Variants in ELAPOR2 observed in about 807,000 individuals in gnomAD.
The protein encoded by ELAPOR2 is endosome/lysosome-associated apoptosis and autophagy regulator family member 2.
ELAPOR2 carries 89 observed loss-of-function variants against 120.7 expected under a neutral mutation model. The observed-to-expected ratio is 0.74, with a 90% CI of 0.62 to 0.88. The LOEUF is 0.88. ELAPOR2 is among the 40% of genes least tolerant of loss of function. The pLI, the probability that ELAPOR2 is intolerant of heterozygous loss-of-function variation, is 0.00. For missense variants in ELAPOR2, 1,134 were observed against 1,251.6 expected, an observed-to-expected ratio of 0.91 and a Z score of 1.42; for synonymous variants, 444 against 444.9, an observed-to-expected ratio of 1.00 and a Z score of 0.03.
At chr7:86,888,441 ACCTT>A (rs1799796105) in intron 21 of ELAPOR2, among the ~76,000 whole-genome samples, 2 of 152,222 alleles carry the variant, frequency 1.3e-5, no homozygotes, top group South Asian at 4.2e-4. Flanking sequence ...TCACCCTGTC[ACCTT>A]CCTATGAAGA....
intron 8 of ELAPOR2, 85 bp from the exon 9 acceptor site, chr7:86,927,001 T>A: frequency 7.8e-7 from 1 of 1,280,154 alleles, no homozygotes; most frequent in Non-Finnish European, 1.0e-6. Flanking sequence ...ATAGGAAAAG[T>A]ACAAATGGTG....
intron 19 of ELAPOR2, among the ~76,000 whole-genome samples, chr7:86,896,064 T>C (rs1015649266): frequency 6.6e-6 from 1 of 152,132 alleles, no homozygotes; most frequent in Admixed American, 6.6e-5. Context: ...CTGTGTGCTC[T>C]GAACTGAAAT....
chr7:87,017,061 A>T (rs993566090), intron 1 of ELAPOR2, among the ~76,000 whole-genome samples: 7 of 152,196 alleles, frequency 4.6e-5, no homozygotes, highest in Non-Finnish European at 8.8e-5. Context: ...ACAGAAAAAG[A>T]AAAAAAGATA....
intron 1 of ELAPOR2, among the ~76,000 whole-genome samples, chr7:87,002,382 C>T (rs796343933): frequency 2.6e-5 from 4 of 152,240 alleles, no homozygotes; most frequent in African/African-American, 9.6e-5. Context: ...TCTGCAGCAG[C>T]AGTCTCCTTC....
At position 86,948,395 on chromosome 7, in the gene ELAPOR2, A is replaced by G. The variant is rs1005737239; in HGVS notation, c.311-473T>C. ...TTTATGCTAATCAGTGGATAAGCAC[A>G]TATTAAGACCACTTATAAGTTGATG... On this transcript the variant is annotated intron_variant, in intron 2 of 21. Coordinates refer to ENST00000450689, the MANE Select transcript of ELAPOR2 (RefSeq NM_001142749.3). Among the ~76,000 whole-genome samples, 6 of 152,266 alleles carry G rather than the reference A, an allele frequency of 3.9e-5. No homozygotes were observed. The East Asian group carries it at 1.2e-3, about 29-fold the overall frequency.
In ELAPOR2 at chr7:86,897,631, T is replaced by A; in HGVS notation, c.2560A>T (p.Lys854Ter). 1.2e-6 allele frequency: 2 copies of A among 1,612,868 alleles called. No homozygotes were observed. Among genetic ancestry groups the A allele is most frequent in the Non-Finnish European group, 1.7e-6 (2 of 1,179,270 alleles). Residue 854 changes from lysine (K) to a stop codon, truncating the protein, a stop_gained and splice_region_variant, in exon 19 of 22, where the codon AAG (lysine) becomes TAG (stop). Transcript: ENST00000450689. LOFTEE classifies it high-confidence loss of function. ...SGAGVISVPS[K>*]CPAGTCDGCT... ...CCATCACAGGTACCTGCTGGGCACTTGCTAAAATCATAAACAAAACCAAAA... is the reference window on the plus strand; with the variant it reads ...CCATCACAGGTACCTGCTGGGCACTAGCTAAAATCATAAACAAAACCAAAA...
At position 87,056,345 on chromosome 7, in the gene ELAPOR2, AAAG is replaced by A. The variant is rs149191554; in HGVS notation, c.189+2977_189+2979del. 3.0e-3 allele frequency among the ~76,000 whole-genome samples: 459 copies of A among 152,320 alleles called. 3 individuals are homozygous for A. Among genetic ancestry groups the A allele is most frequent in the African/African-American group, 0.011 (441 of 41,574 alleles). ...AAGTGAAACACAGGCCAAGAAACCCAAAGAAGATTTACCTTTTATAAGTTCACC... is the reference window on the plus strand; with the variant it reads ...AAGTGAAACACAGGCCAAGAAACCCAAAGATTTACCTTTTATAAGTTCACC... On this transcript the variant is annotated intron_variant, in intron 1 of 21. Coordinates refer to ENST00000450689, the MANE Select transcript of ELAPOR2 (RefSeq NM_001142749.3).
At chr7:87,048,933 A>C (rs774589873) in intron 1 of ELAPOR2, among the ~76,000 whole-genome samples, 6 of 152,236 alleles carry the variant, frequency 3.9e-5, no homozygotes, top group Non-Finnish European at 7.3e-5. Context: ...TTAATTAAAA[A>C]TCCAGACACT....
chr7:86,877,008 T>C lies in ELAPOR2; in HGVS notation c.*3463A>G, dbSNP rs769957640. 6.6e-6 allele frequency: 1 copy of C among 152,164 alleles called. No individual in the cohort carries two copies. Among genetic ancestry groups the C allele is most frequent in the Non-Finnish European group, 1.5e-5 (1 of 68,024 alleles). The allele number at this position is 152,164 out of a possible 1,614,324, so 9.4% of individuals were successfully genotyped here. A position where few individuals can be genotyped will look rare whatever the true frequency, so the allele number is the denominator to read the frequency against. On this transcript the variant is annotated 3_prime_UTR_variant, in exon 22 of 22. Transcript: ENST00000450689. ...TACTACAATGGCAGAGTTGAGTAAA[T>C]GCAATAGAGCCCACATGCCCTGCAA...
At chr7:87,003,263 A>G (rs1793373799) in intron 1 of ELAPOR2, among the ~76,000 whole-genome samples, 1 of 152,114 alleles carries the variant, frequency 6.6e-6, no homozygotes, top group Non-Finnish European at 1.5e-5. Flanking sequence ...CATAATGTAT[A>G]TGGTACCAGC....
chr7:87,006,298 A>G (rs1362836626), intron 1 of ELAPOR2, among the ~76,000 whole-genome samples: 2 of 150,816 alleles, frequency 1.3e-5, no homozygotes, highest in Non-Finnish European at 3.0e-5. Flanking sequence ...ATTGGTTGCC[A>G]GGGAAATGCA....
chr7:87,016,548 C>G lies in ELAPOR2; in HGVS notation c.189+42777G>C, dbSNP rs181902475. 7.9e-5 allele frequency among the ~76,000 whole-genome samples: 12 copies of G among 151,714 alleles called. No individual in the cohort carries two copies. The East Asian group carries it at 2.3e-3, about 29-fold the overall frequency. On this transcript the variant is annotated intron_variant, in intron 1 of 21. Coordinates refer to ENST00000450689, the MANE Select transcript of ELAPOR2 (RefSeq NM_001142749.3). ...GGGTAGAAATCACAGGAGAAAAGAG[C>G]AATGCCCCAAAAATTTACAGGTAAT...
At chr7:86,927,147 C>G (rs115329296) in intron 8 of ELAPOR2, among the ~76,000 whole-genome samples, 620 of 151,994 alleles carry the variant, frequency 4.1e-3, no homozygotes, top group African/African-American at 0.014. Context: ...CCCTCGTACA[C>G]AGCATGTTCC....
intron 12 of ELAPOR2, among the ~76,000 whole-genome samples, chr7:86,915,665 T>C (rs1030135029): frequency 6.0e-5 from 9 of 150,306 alleles, no homozygotes; most frequent in African/African-American, 2.0e-4. Context: ...ACTTAGGAAT[T>C]TGGATGGGCT....
intron 21 of ELAPOR2, among the ~76,000 whole-genome samples, chr7:86,890,227 G>A (rs1788081625): frequency 6.6e-6 from 1 of 151,826 alleles, no homozygotes; most frequent in Admixed American, 6.6e-5. Context: ...ATTACCCTTT[G>A]TTCTAGACTA....
rs1226030721 is a variant in ELAPOR2, at chr7:86,891,871, G to A, written c.2883C>T (p.Ser961=). Residue 961 remains serine (S), a synonymous_variant, in exon 21 of 22, where the codon TCC becomes TCT. Transcript: ENST00000450689. ...KKNQKLEYKY[S]KLVMTTNSKE... is the part of the protein sequence containing the mutation. ...TTGAGTTAGTCGTCATTACTAACTT[G>A]GAATATTTGTATTCCAGTCTAAATA... 2 of 1,600,412 alleles carry A rather than the reference G, an allele frequency of 1.2e-6. No homozygotes were observed. The highest frequency in any genetic ancestry group is 2.3e-5 in the East Asian group (1 of 44,422).
At position 86,876,956 on chromosome 7, in the gene ELAPOR2, T is replaced by C. The variant is rs888895909; in HGVS notation, c.*3515A>G. On this transcript the variant is annotated 3_prime_UTR_variant, in exon 22 of 22. Coordinates refer to ENST00000450689, the MANE Select transcript of ELAPOR2 (RefSeq NM_001142749.3). ...ATTGGAATGCAGCCACGCCCATCCA[T>C]TTACATTTTGTATGTGGTTGCTTTC... 6.6e-6 allele frequency: 1 copy of C among 152,148 alleles called. No individual in the cohort carries two copies. Among genetic ancestry groups the C allele is most frequent in the Non-Finnish European group, 1.5e-5 (1 of 68,020 alleles). 9.4% of individuals were successfully genotyped at this position (152,148 alleles called of 1,614,324 possible).
intron 1 of ELAPOR2, among the ~76,000 whole-genome samples, chr7:86,989,636 C>T (rs996734656): frequency 3.3e-5 from 5 of 152,174 alleles, no homozygotes; most frequent in Admixed American, 3.3e-4. Context: ...CTCCACATGG[C>T]AGCTCTGGCC....
chr7:86,986,531 T>C (rs1345052380), intron 1 of ELAPOR2, among the ~76,000 whole-genome samples: 1 of 137,180 alleles, frequency 7.3e-6, no homozygotes, highest in African/African-American at 3.0e-5. Context: ...CGTGCAAAAA[T>C]CACAGGCATT....
Sources: gnomAD v4.1 joint callset for allele counts (sites outside exome capture counted in the v4.1 genomes callset) on GRCh38, gnomAD v4.1.1 for gene constraint, MANE v1.5 for transcripts, NCBI Gene and HGNC (gene_info 2026-07-23, HGNC 2026-07-21) for gene names.